Variants in KITLG observed in about 807,000 individuals in gnomAD.
KITLG encodes the protein KIT ligand.
KITLG carries 13 observed loss-of-function variants against 34.1 expected under a neutral mutation model. That is an observed-to-expected ratio of 0.38 (90% CI 0.25 to 0.61). The LOEUF (loss-of-function observed/expected upper bound fraction) is 0.61, where lower values mean the gene tolerates loss of function less well. Ranked by LOEUF, KITLG falls within the 20% of genes least tolerant of loss-of-function variation. KITLG has a pLI of 0.60. For missense variants in KITLG, 292 were observed against 318.9 expected (o/e 0.92, Z 0.64); for synonymous variants, 110 against 104.0 (o/e 1.06, Z -0.35).
At position 88,518,879 on chromosome 12, in the gene KITLG, G is replaced by GA. The variant is rs751816646; in HGVS notation, c.193-13dup. 2 of 1,611,538 alleles carry GA rather than the reference G, an allele frequency of 1.2e-6. No homozygotes were observed. Among genetic ancestry groups the GA allele is most frequent in the Non-Finnish European group, 8.5e-7 (1 of 1,178,612 alleles). On this transcript the variant is annotated splice_polypyrimidine_tract_variant and intron_variant, in intron 3 of 9. Transcript: ENST00000644744. ...CAACAATGACTTGGCTGCAAGATAT[G>GA]AAAAAAGAGACAAAACAGCTATTTT...
At chr12:88,542,750 A>T (rs1171462128) in intron 2 of KITLG, among the ~76,000 whole-genome samples, 2 of 151,994 alleles carry the variant, frequency 1.3e-5, no homozygotes, top group Non-Finnish European at 2.9e-5. Context: ...GGGTTCTCAC[A>T]CCCCATCTCC....
At chr12:88,504,447 G>A (rs1868974114) in intron 9 of KITLG, among the ~76,000 whole-genome samples, 1 of 152,110 alleles carries the variant, frequency 6.6e-6, no homozygotes, top group Admixed American at 6.6e-5. Flanking sequence ...CAAAAAGTGG[G>A]CGAAGGATAT....
At chr12:88,514,124 T>C (rs1028423673) in intron 6 of KITLG, among the ~76,000 whole-genome samples, 1 of 151,630 alleles carries the variant, frequency 6.6e-6, no homozygotes, top group Non-Finnish European at 1.5e-5. Context: ...TTGACAAATA[T>C]TTAGAAAAAT....
intron 3 of KITLG, among the ~76,000 whole-genome samples, chr12:88,528,570 A>C (rs529683026): frequency 1.3e-4 from 20 of 152,246 alleles, no homozygotes; most frequent in Non-Finnish European, 2.4e-4. Context: ...TAATTATTGT[A>C]AAATGTGTTG....
Position 88,506,378 on chromosome 12 carries a change from T to C in KITLG, c.715A>G (p.Lys239Glu), listed in dbSNP as rs1230651276. The change falls in exon 8 of 10, where the codon AAG becomes GAG. Residue 239 changes from lysine to glutamate, a missense_variant and splice_region_variant. Coordinates refer to ENST00000644744, the MANE Select transcript of KITLG (RefSeq NM_000899.5). ...GFAFGALYWK[K>E]RQPSLTRAVE... ...GCCCTTGTAAGACTTGGCTGTCTCT[T>C]CTGGAAAAAGAAGAAAGACATATAC... 1.3e-6 allele frequency: 2 copies of C among 1,599,082 alleles called. No individual in the cohort carries two copies. The highest frequency in any genetic ancestry group is 1.7e-5 in the Admixed American group (1 of 59,976).
chr12:88,561,472 T>C (rs1231670445), intron 1 of KITLG, among the ~76,000 whole-genome samples: 1 of 152,200 alleles, frequency 6.6e-6, no homozygotes, highest in Non-Finnish European at 1.5e-5. Context: ...CATTTCATCT[T>C]GTACAACTTT....
chr12:88,567,166 T>G (rs1489114403), intron 1 of KITLG, among the ~76,000 whole-genome samples: 2 of 152,216 alleles, frequency 1.3e-5, no homozygotes, highest in African/African-American at 4.8e-5. Flanking sequence ...TCTTTTTCAA[T>G]ATCTAAAAGA....
chr12:88,517,088 C>G (rs545582850), intron 4 of KITLG, among the ~76,000 whole-genome samples: 1 of 151,716 alleles, frequency 6.6e-6, no homozygotes, highest in Non-Finnish European at 1.5e-5. Context: ...AGTTTTTTTG[C>G]AGCAATATCT....
At chr12:88,555,314 A>G (rs1336634268) in intron 1 of KITLG, among the ~76,000 whole-genome samples, 1 of 152,184 alleles carries the variant, frequency 6.6e-6, no homozygotes, top group Non-Finnish European at 1.5e-5. Flanking sequence ...GTTTGCAGAT[A>G]TTATTTCCTG....
chr12:88,550,934 T>C (rs185327313), intron 1 of KITLG, among the ~76,000 whole-genome samples: 2 of 152,352 alleles, frequency 1.3e-5, no homozygotes, highest in East Asian at 3.9e-4. Context: ...GCTATAATAA[T>C]TGAAGAATGA....
At chr12:88,576,186 C>G (rs1871818131) in intron 1 of KITLG, among the ~76,000 whole-genome samples, 1 of 152,102 alleles carries the variant, frequency 6.6e-6, no homozygotes, top group Non-Finnish European at 1.5e-5. Context: ...TTCTAATTAT[C>G]TCATTCATTT....
At chr12:88,557,453 G>GA (rs1471947348) in intron 1 of KITLG, among the ~76,000 whole-genome samples, 1 of 152,082 alleles carries the variant, frequency 6.6e-6, no homozygotes, top group East Asian at 1.9e-4. Context: ...AAGCAGAGGG[G>GA]AAAAAAATCC....
At chr12:88,541,051 C>G (rs1412966175) in intron 2 of KITLG, among the ~76,000 whole-genome samples, 1 of 152,090 alleles carries the variant, frequency 6.6e-6, no homozygotes, top group African/African-American at 2.4e-5. Context: ...CAATTCTTCA[C>G]TTTAATGCAG....
intron 1 of KITLG, among the ~76,000 whole-genome samples, chr12:88,577,067 A>T (rs1372001961): frequency 6.6e-6 from 1 of 152,180 alleles, no homozygotes; most frequent in Non-Finnish European, 1.5e-5. Context: ...GGCAGAATGT[A>T]TCAATTAAAA....
Position 88,545,870 on chromosome 12 carries a change from A to T in KITLG, c.16-5T>A, listed in dbSNP as rs1224811314. The T allele has an allele frequency of 6.4e-7, 1 of 1,559,630 alleles. No homozygotes were observed. The highest frequency in any genetic ancestry group is 8.8e-7 in the Non-Finnish European group (1 of 1,130,924). On this transcript the variant is annotated splice_region_variant and splice_polypyrimidine_tract_variant and intron_variant, in intron 1 of 9. Coordinates refer to ENST00000644744, the MANE Select transcript of KITLG (RefSeq NM_000899.5). ...AATGCAAGTGAGAATCCAAGTCTAA[A>T]TGAAAACAGAAAAATTGCTTGGTGA...
At chr12:88,507,372 T>G (rs1471347654) in intron 6 of KITLG, among the ~76,000 whole-genome samples, 1 of 152,182 alleles carries the variant, frequency 6.6e-6, no homozygotes, top group African/African-American at 2.4e-5. Flanking sequence ...CAGAAAGAGA[T>G]CTGGCTTGGG....
At chr12:88,513,497 T>C (rs1490863181) in intron 6 of KITLG, among the ~76,000 whole-genome samples, 2 of 151,686 alleles carry the variant, frequency 1.3e-5, no homozygotes, top group African/African-American at 4.8e-5. Flanking sequence ...CTAAATAAAA[T>C]AGTGAAGCCC....
chr12:88,536,169 A>T (rs547105616), intron 2 of KITLG, among the ~76,000 whole-genome samples: 1 of 152,202 alleles, frequency 6.6e-6, no homozygotes, highest in Non-Finnish European at 1.5e-5. Flanking sequence ...AAGATCTAAT[A>T]TCCAGAATCT....
chr12:88,526,019 C>T (rs1407491896), intron 3 of KITLG, among the ~76,000 whole-genome samples: 1 of 152,094 alleles, frequency 6.6e-6, no homozygotes, highest in East Asian at 1.9e-4. Flanking sequence ...AAAGGGCATC[C>T]TTTGAGAACA....
Sources: gnomAD v4.1 joint callset for allele counts (sites outside exome capture counted in the v4.1 genomes callset) on GRCh38, gnomAD v4.1.1 for gene constraint, MANE v1.5 for transcripts, NCBI Gene and HGNC (gene_info 2026-07-23, HGNC 2026-07-21) for gene names.